The following SEMA3A variants were observed in gnomAD, a reference collection of about 807,000 sequenced individuals.
SEMA3A encodes semaphorin 3A.
In SEMA3A, 29 loss-of-function variants were observed where a neutral mutation model predicts 97.9. The observed-to-expected ratio is 0.30, with a 90% CI of 0.22 to 0.40. The LOEUF is 0.40. Among genes scored for constraint, SEMA3A ranks in the 10% least tolerant of loss-of-function variants. The pLI, the probability that SEMA3A is intolerant of heterozygous loss-of-function variation, is 1.00. For synonymous variants in SEMA3A, 321 were observed against 323.7 expected (o/e 0.99, Z 0.09); for missense variants, 763 against 951.3 (o/e 0.80, Z 2.60).
At chr7:83,972,049 A>G (rs1311696080) in intron 15 of SEMA3A, among the ~76,000 whole-genome samples, 6 of 151,524 alleles carry the variant, frequency 4.0e-5, no homozygotes, top group African/African-American at 7.3e-5. Flanking sequence ...ATGTATATAT[A>G]TACACACACA....
chr7:84,349,164 T>A (rs1327409008), intron 2 of SEMA3A, among the ~76,000 whole-genome samples: 1 of 152,182 alleles, frequency 6.6e-6, no homozygotes, highest in Non-Finnish European at 1.5e-5. Context: ...GATCTATTCA[T>A]TTTTTGTCTG....
intron 12 of SEMA3A, among the ~76,000 whole-genome samples, chr7:83,995,280 G>A (rs551063374): frequency 1.2e-4 from 19 of 152,210 alleles, no homozygotes; most frequent in Middle Eastern, 3.4e-3. Flanking sequence ...TGTCTTCTGC[G>A]TCGCTCACTC....
chr7:84,055,879 G>A (rs1440769613), intron 5 of SEMA3A, among the ~76,000 whole-genome samples: 1 of 152,184 alleles, frequency 6.6e-6, no homozygotes, highest in African/African-American at 2.4e-5. Context: ...ATACTTTAGA[G>A]CTGTTCACAT....
rs573118214 is a variant in SEMA3A, at chr7:84,166,228, T to A, written c.112+28247A>T. 6.7e-5 allele frequency among the ~76,000 whole-genome samples: 10 copies of A among 150,198 alleles called. No homozygotes were observed. In the East Asian group the frequency reaches 2.0e-3, roughly 30 times the overall value. The stretch of plus-strand genomic sequence containing the variant: ...GAAGTCCAGGCTATAATGTTAGCAA[T>A]GATTGCACTGCTGCACTCCAGCCTG... On this transcript the variant is annotated intron_variant, in intron 1 of 16. Coordinates refer to ENST00000265362, the MANE Select transcript of SEMA3A (RefSeq NM_006080.3).
At chr7:84,216,756 C>G (rs1798764107) in intron 3 of SEMA3A, among the ~76,000 whole-genome samples, 1 of 152,024 alleles carries the variant, frequency 6.6e-6, no homozygotes, top group East Asian at 1.9e-4. Context: ...TTGACAGACT[C>G]TCCAAGAAAA....
chr7:84,128,142 C>A (rs900076201), intron 3 of SEMA3A, among the ~76,000 whole-genome samples: 3 of 151,960 alleles, frequency 2.0e-5, no homozygotes, highest in Admixed American at 6.6e-5. Flanking sequence ...ATGCTAAAAC[C>A]ATTGTAGGGA....
intron 4 of SEMA3A, among the ~76,000 whole-genome samples, chr7:84,105,806 G>A (rs944202195): frequency 6.6e-6 from 1 of 152,122 alleles, no homozygotes; most frequent in Admixed American, 6.5e-5. Flanking sequence ...TCATTTCAAT[G>A]GCATGGATGC....
rs1256521221 is a variant in SEMA3A, at chr7:83,966,833, TC to T, written c.1718-3487del. 5.9e-5 allele frequency among the ~76,000 whole-genome samples: 9 copies of T among 152,116 alleles called. No individual in the cohort carries two copies. The East Asian group carries it at 1.6e-3, about 26-fold the overall frequency. On this transcript the variant is annotated intron_variant, in intron 15 of 16. Transcript: ENST00000265362. ...TTCAAGCGATTCTCCTGCCTCAGACTCCCTAGTAGCTGGGATTACAGGCATG... is the reference window on the plus strand; with the variant it reads ...TTCAAGCGATTCTCCTGCCTCAGACTCCTAGTAGCTGGGATTACAGGCATG...
chr7:84,370,722 G>T (rs779640829), intron 2 of SEMA3A, among the ~76,000 whole-genome samples: 1 of 151,418 alleles, frequency 6.6e-6, no homozygotes, highest in Non-Finnish European at 1.5e-5. Context: ...TCATTTTATA[G>T]GGAAGGAAAT....
chr7:84,314,323 A>C (rs1320162231), intron 2 of SEMA3A, among the ~76,000 whole-genome samples: 1 of 152,134 alleles, frequency 6.6e-6, no homozygotes, highest in Non-Finnish European at 1.5e-5. Flanking sequence ...AGACATAAAC[A>C]TTACAAACAG....
chr7:84,033,974 T>C (rs2116471151), intron 6 of SEMA3A, among the ~76,000 whole-genome samples: 1 of 140,142 alleles, frequency 7.1e-6, no homozygotes, highest in Non-Finnish European at 1.6e-5. Context: ...CTTTGGCAAT[T>C]TTTTGTTTTT....
At chr7:84,068,966 T>G (rs1488709273) in intron 4 of SEMA3A, among the ~76,000 whole-genome samples, 2 of 152,114 alleles carry the variant, frequency 1.3e-5, no homozygotes, top group Non-Finnish European at 2.9e-5. Flanking sequence ...TACCGATACA[T>G]AATATGTTTC....
intron 4 of SEMA3A, among the ~76,000 whole-genome samples, chr7:84,106,480 G>A (rs758598326): frequency 1.3e-5 from 2 of 152,092 alleles, no homozygotes; most frequent in Non-Finnish European, 2.9e-5. Context: ...CAGTAAAATA[G>A]CCTAAGGACA....
intron 15 of SEMA3A, among the ~76,000 whole-genome samples, chr7:83,973,161 C>A (rs1285185159): frequency 6.6e-6 from 1 of 152,092 alleles, no homozygotes; most frequent in African/African-American, 2.4e-5. Context: ...TGGGTCCATT[C>A]TGTTCGTGTG....
intron 6 of SEMA3A, among the ~76,000 whole-genome samples, chr7:84,036,483 T>C (rs1264938376): frequency 1.3e-5 from 2 of 152,128 alleles, no homozygotes; most frequent in African/African-American, 2.4e-5. Context: ...GGAGGACTTA[T>C]ATCAGCAGTA....
At chr7:84,383,889 A>T (rs526991) in intron 1 of SEMA3A, among the ~76,000 whole-genome samples, 14,610 of 152,216 alleles carry the variant, frequency 0.096, 1,249 homozygotes, top group African/African-American at 0.2. Flanking sequence ...TAAAAAATAC[A>T]TTTGTAAGCA....
chr7:84,417,970 A>C (rs1274693075), intron 1 of SEMA3A, among the ~76,000 whole-genome samples: 1 of 152,168 alleles, frequency 6.6e-6, no homozygotes, highest in Admixed American at 6.6e-5. Flanking sequence ...CCTTCGAGGA[A>C]GAATGACAGT....
intron 3 of SEMA3A, among the ~76,000 whole-genome samples, chr7:84,280,380 G>A (rs915206884): frequency 1.3e-5 from 2 of 152,046 alleles, no homozygotes; most frequent in Admixed American, 6.6e-5. Flanking sequence ...ACTGTACCAC[G>A]GCAATTTATT....
chr7:84,220,105 T>C lies in SEMA3A; in HGVS notation c.-82-25437A>G, dbSNP rs192103800. ...CAAACCCTGCCCATGCATTATCAAC[T>C]AAGTTTGTGTAATATTCTAAATATT... On this transcript the variant is annotated intron_variant, in intron 3 of 3. Transcript: ENST00000424555. Among the ~76,000 whole-genome samples the C allele has an allele frequency of 1.0e-3, 159 of 152,334 alleles. 2 individuals carry two copies. In the East Asian group the frequency reaches 0.029, roughly 27 times the overall value.
Sources: gnomAD v4.1 joint callset for allele counts (sites outside exome capture counted in the v4.1 genomes callset) on GRCh38, gnomAD v4.1.1 for gene constraint, MANE v1.5 for transcripts, NCBI Gene and HGNC (gene_info 2026-07-23, HGNC 2026-07-21) for gene names.